CELF2: variants seen among roughly 807,000 people sequenced by gnomAD.
CELF2 encodes the protein CUGBP Elav-like family member 2.
A neutral mutation model predicts 62.6 loss-of-function variants in CELF2; 8 were observed. The ratio of observed to expected loss-of-function variants is 0.13; its 90% confidence interval spans 0.07 to 0.23. The LOEUF (loss-of-function observed/expected upper bound fraction) is 0.23. Ranked by LOEUF, CELF2 falls within the 10% of genes least tolerant of loss-of-function variation. The pLI is 1.00. For synonymous variants in CELF2, 258 were observed against 250.0 expected (o/e 1.03, Z -0.30); for missense variants, 333 against 671.0 (o/e 0.50, Z 5.56).
chr10:10,717,779 A>G, the CELF2 span, among the ~76,000 whole-genome samples: 1 of 152,142 alleles, frequency 6.6e-6, no homozygotes, highest in African/African-American at 2.4e-5. Flanking sequence ...GATCCAGAAA[A>G]ATGTATTCTG....
exon 1 of CELF2, chr10:10,798,626 G>A (rs1382139128): frequency 5.0e-6 from 2 of 397,386 alleles, no homozygotes; most frequent in African/African-American, 4.1e-5. Flanking sequence ...GAGAAGTCAG[G>A]AAAAGTGCGT....
chr10:10,900,895 T>C (rs1003069125), intron 1 of CELF2, among the ~76,000 whole-genome samples: 5 of 152,212 alleles, frequency 3.3e-5, no homozygotes, highest in Non-Finnish European at 5.9e-5. Context: ...GTACAAGATA[T>C]ATAAATGGAA....
intron 2 of CELF2, among the ~76,000 whole-genome samples, chr10:11,166,449 A>G (rs757382673): frequency 1.3e-5 from 2 of 152,210 alleles, no homozygotes; most frequent in African/African-American, 2.4e-5. Context: ...TGATGCTTCT[A>G]TGCCCTGGAG....
the CELF2 span, among the ~76,000 whole-genome samples, chr10:10,598,590 G>A: frequency 6.6e-6 from 1 of 152,016 alleles, no homozygotes; most frequent in South Asian, 2.1e-4. Flanking sequence ...TCGTTATGAA[G>A]CTACACATAT....
At chr10:10,829,849 C>T (rs1387420101) in intron 1 of CELF2, among the ~76,000 whole-genome samples, 1 of 152,132 alleles carries the variant, frequency 6.6e-6, no homozygotes, top group Non-Finnish European at 1.5e-5. Context: ...TTACGTGGTG[C>T]ATATGTTCTA....
the CELF2 span, among the ~76,000 whole-genome samples, chr10:10,545,016 C>T: frequency 6.6e-6 from 1 of 152,194 alleles, no homozygotes; most frequent in East Asian, 1.9e-4. Context: ...AATTCCTAAT[C>T]ACTGTAATAC....
chr10:11,192,498 G>A (rs2134570288), intron 2 of CELF2, among the ~76,000 whole-genome samples: 1 of 152,346 alleles, frequency 6.6e-6, no homozygotes, highest in Non-Finnish European at 1.5e-5. Context: ...TAACATGGAA[G>A]GACTTGATTG....
chr10:11,275,321 T>C (rs1037088442), intron 8 of CELF2, among the ~76,000 whole-genome samples: 2 of 152,234 alleles, frequency 1.3e-5, no homozygotes, highest in African/African-American at 2.4e-5. Context: ...CCACCTTCGC[T>C]GTGCATGACC....
intron 1 of CELF2, among the ~76,000 whole-genome samples, chr10:10,907,784 A>G (rs2063466504): frequency 1.3e-5 from 2 of 152,204 alleles, no homozygotes; most frequent in Non-Finnish European, 1.5e-5. Flanking sequence ...GAGATTGTTA[A>G]AATGAGAGAT....
rs2066657253 is a variant in CELF2, at chr10:11,165,071, G to T, written c.75-415G>T. 1 of 989,870 alleles carries T rather than the reference G, an allele frequency of 1.0e-6. No homozygotes were observed. Among genetic ancestry groups the T allele is most frequent in the Non-Finnish European group, 1.2e-6 (1 of 832,574 alleles). 61.3% of individuals were successfully genotyped at this position (989,870 alleles called of 1,614,324 possible). On this transcript the variant is annotated intron_variant, in intron 1 of 12. Transcript: ENST00000633077. The surrounding 1 kb of genome is among the most constrained non-coding windows in gnomAD (Gnocchi z 7.4). ...GGGGGGCGGGGCAGGGAGAGGGAGA[G>T]AAATCCAGCAGACATCTAGCTCTGC...
chr10:11,046,100 C>T lies in CELF2; in HGVS notation c.74+27937C>T, dbSNP rs2062787109. 6.6e-6 allele frequency among the ~76,000 whole-genome samples: 1 copy of T among 152,216 alleles called. No homozygotes were observed. On this transcript the variant is annotated intron_variant, in intron 1 of 12. Coordinates refer to ENST00000633077, the MANE Select transcript of CELF2 (RefSeq NM_001326342.2). This position sits in a 1 kb window ranked among gnomAD's most constrained non-coding sequence, Gnocchi z 4.6. ...GACCAGCTGACTTGAGCTGTCTACA[C>T]CTTCCAGCTCTGTTCTATTTGCTGC...
At chr10:10,897,951 A>G (rs768834973) in intron 1 of CELF2, among the ~76,000 whole-genome samples, 9 of 152,330 alleles carry the variant, frequency 5.9e-5, no homozygotes, top group South Asian at 2.1e-4. Flanking sequence ...TGAGAGGCCA[A>G]TGTGGTCTCT....
At chr10:10,932,128 G>C (rs555377941) in intron 2 of CELF2, among the ~76,000 whole-genome samples, 1 of 152,186 alleles carries the variant, frequency 6.6e-6, no homozygotes, top group Non-Finnish European at 1.5e-5. Context: ...TGACATCCTT[G>C]ATCAAGGAAA....
At chr10:10,821,362 C>T (rs561847441) in intron 1 of CELF2, among the ~76,000 whole-genome samples, 9 of 152,244 alleles carry the variant, frequency 5.9e-5, no homozygotes, top group East Asian at 5.8e-4. Context: ...GGCACGGAGC[C>T]GAGCCATTGG....
chr10:11,124,456 A>G (rs1325525665), intron 1 of CELF2, among the ~76,000 whole-genome samples: 2 of 152,236 alleles, frequency 1.3e-5, no homozygotes, highest in Non-Finnish European at 2.9e-5. Flanking sequence ...TTGAAAATAA[A>G]TTGCATTACA....
At chr10:11,133,478 C>CA (rs1377869459) in intron 1 of CELF2, among the ~76,000 whole-genome samples, 3 of 152,154 alleles carry the variant, frequency 2.0e-5, no homozygotes, top group African/African-American at 7.2e-5. Context: ...AGTGCTCCTG[C>CA]AACTAATGGT....
At chr10:11,307,431 G>A (rs999769320) in intron 9 of CELF2, among the ~76,000 whole-genome samples, 1 of 152,222 alleles carries the variant, frequency 6.6e-6, no homozygotes, top group Non-Finnish European at 1.5e-5. Flanking sequence ...GAGATGTTTA[G>A]ATGAAAGTGG....
At chr10:10,838,532 G>A (rs534953851) in intron 1 of CELF2, among the ~76,000 whole-genome samples, 8 of 152,204 alleles carry the variant, frequency 5.3e-5, no homozygotes, top group East Asian at 1.9e-4. Flanking sequence ...TATGTCTCTC[G>A]TTTCCCATTT....
At chr10:10,807,363 G>C (rs565598927) in intron 1 of CELF2, among the ~76,000 whole-genome samples, 2 of 152,174 alleles carry the variant, frequency 1.3e-5, no homozygotes, top group African/African-American at 4.8e-5. Context: ...CCTTCACTCC[G>C]TAAAGTCAAC....
Sources: allele counts gnomAD v4.1 joint callset (sites outside exome capture counted in the v4.1 genomes callset), GRCh38; gene constraint gnomAD v4.1.1; non-coding constraint Gnocchi (gnomAD v3.1); transcripts MANE v1.5; gene names NCBI Gene and HGNC (gene_info 2026-07-23, HGNC 2026-07-21).